Variants in EYS observed in about 807,000 individuals in gnomAD.
EYS encodes the protein protein eyes shut homolog.
In EYS, 250 loss-of-function variants were observed where a neutral mutation model predicts 282.1. The ratio of observed to expected loss-of-function variants is 0.89; its 90% CI spans 0.80 to 0.98. The LOEUF (loss-of-function observed/expected upper bound fraction) is 0.98. EYS is among the 50% of genes least tolerant of loss of function. The pLI is 0.00. For missense variants in EYS, 4,016 were observed against 3,709.0 expected, an observed-to-expected ratio of 1.08 and a Z score of -2.15; for synonymous variants, 1,355 against 1,282.9, an observed-to-expected ratio of 1.06 and a Z score of -1.20.
At chr6:65,520,228 T>C (rs1411979541) in intron 2 of EYS, among the ~76,000 whole-genome samples, 2 of 152,098 alleles carry the variant, frequency 1.3e-5, no homozygotes, top group African/African-American at 4.8e-5. Context: ...ACTTCTGAAT[T>C]TGGCCACTGT....
intron 22 of EYS, among the ~76,000 whole-genome samples, chr6:64,657,293 C>A (rs1002520824): frequency 6.6e-6 from 1 of 152,228 alleles, no homozygotes; most frequent in Admixed American, 6.5e-5. Context: ...ACTGATGGGT[C>A]TTGACTTTTT....
intron 22 of EYS, among the ~76,000 whole-genome samples, chr6:64,652,425 T>A (rs1768596044): frequency 6.6e-6 from 1 of 152,140 alleles, no homozygotes; most frequent in African/African-American, 2.4e-5. Flanking sequence ...ATCTAAGAGC[T>A]GAAAGTATTT....
At chr6:64,513,777 G>A (rs762829637) in intron 26 of EYS, among the ~76,000 whole-genome samples, 6 of 151,696 alleles carry the variant, frequency 4.0e-5, no homozygotes, top group Non-Finnish European at 8.8e-5. Flanking sequence ...CTGGACTGGA[G>A]GAAAACAATT....
At chr6:65,489,860 CA>C (rs1765967439) in intron 5 of EYS, 2 of 152,182 alleles carry the variant, frequency 1.3e-5, no homozygotes, top group South Asian at 4.1e-4. Context: ...CCATCATTCT[CA>C]GCAAACTATC....
chr6:64,995,703 C>A (rs1771231004), intron 14 of EYS, among the ~76,000 whole-genome samples: 1 of 119,276 alleles, frequency 8.4e-6, no homozygotes, highest in East Asian at 2.1e-4. Context: ...TTCAACTTTG[C>A]TTCTTTCTGC....
intron 30 of EYS, among the ~76,000 whole-genome samples, chr6:64,288,107 T>C (rs141638739): frequency 7.9e-5 from 12 of 152,156 alleles, no homozygotes; most frequent in Non-Finnish European, 1.5e-4. Context: ...AGTTCTTTCA[T>C]GCATTTCATG....
intron 23 of EYS, among the ~76,000 whole-genome samples, chr6:64,624,868 C>A (rs1214054377): frequency 6.6e-6 from 1 of 152,024 alleles, no homozygotes; most frequent in Non-Finnish European, 1.5e-5. Context: ...TAAATAGGGA[C>A]TATTTTTTTT....
intron 19 of EYS, among the ~76,000 whole-genome samples, chr6:64,861,972 T>C (rs9354172): frequency 0.15 from 23,555 of 152,190 alleles, 2,147 homozygotes; most frequent in East Asian, 0.49. Flanking sequence ...TTTTTAACAT[T>C]GTTTGCAAAA....
chr6:64,542,039 T>C (rs1764707224), intron 26 of EYS, among the ~76,000 whole-genome samples: 2 of 152,164 alleles, frequency 1.3e-5, no homozygotes, highest in African/African-American at 4.8e-5. Flanking sequence ...ATGATATATA[T>C]TATTTTTGGA....
chr6:65,613,794 T>C (rs1367718257), intron 2 of EYS, among the ~76,000 whole-genome samples: 1 of 151,932 alleles, frequency 6.6e-6, no homozygotes, highest in Non-Finnish European at 1.5e-5. Flanking sequence ...ACTACCTCGG[T>C]CTTCACATAA....
intron 18 of EYS, among the ~76,000 whole-genome samples, chr6:64,891,946 T>C (rs1251975403): frequency 6.6e-6 from 1 of 152,072 alleles, no homozygotes; most frequent in South Asian, 2.1e-4. Flanking sequence ...ATTGTCAAAG[T>C]ATTGAAATAA....
At chr6:65,418,451 G>T (rs1035187683) in intron 5 of EYS, among the ~76,000 whole-genome samples, 1 of 151,972 alleles carries the variant, frequency 6.6e-6, no homozygotes, top group African/African-American at 2.4e-5. Flanking sequence ...ATTTACAATA[G>T]CAAAGACATG....
At chr6:64,918,069 G>A (rs1768221142) in intron 15 of EYS, among the ~76,000 whole-genome samples, 1 of 151,858 alleles carries the variant, frequency 6.6e-6, no homozygotes, top group East Asian at 1.9e-4. Flanking sequence ...ACCCTTAGGT[G>A]TACATACCAT....
At chr6:63,823,943 C>T (rs997056424) in intron 36 of EYS, among the ~76,000 whole-genome samples, 1 of 152,124 alleles carries the variant, frequency 6.6e-6, no homozygotes, top group Non-Finnish European at 1.5e-5. Context: ...CTAGGTTAAT[C>T]TCTAGCCTCT....
intron 24 of EYS, among the ~76,000 whole-genome samples, chr6:64,610,940 C>T (rs1338890443): frequency 6.6e-6 from 1 of 152,098 alleles, no homozygotes; most frequent in Non-Finnish European, 1.5e-5. Context: ...CACTGTGTTG[C>T]TTAGAAATGC....
chr6:65,353,329 T>C, intron 9 of EYS, 129 bp downstream of exon 9: 2 of 758,504 alleles, frequency 2.6e-6, no homozygotes, highest in South Asian at 1.8e-5. Flanking sequence ...AATAAGAGTA[T>C]TAATTTTATT....
intron 37 of EYS, among the ~76,000 whole-genome samples, chr6:63,793,348 A>G (rs1430871714): frequency 1.3e-5 from 2 of 152,226 alleles, no homozygotes; most frequent in Non-Finnish European, 2.9e-5. Context: ...GTGTATATCA[A>G]GAACTGAAAT....
intron 1 of EYS, among the ~76,000 whole-genome samples, chr6:65,676,515 T>C (rs193077347): frequency 5.3e-5 from 8 of 151,732 alleles, no homozygotes; most frequent in African/African-American, 1.7e-4. Flanking sequence ...CATGAAGAAA[T>C]AGAAAGTGTT....
Position 64,099,389 on chromosome 6 carries a change from CT to C in EYS, c.6425-17388del, listed in dbSNP as rs148127635. ...CTAGTATGTAAATATTCAGCAAAGC[CT>C]TTTTTTCTCTATTCTGAAAAGATGG... is the stretch of plus-strand genomic sequence containing the variant. On this transcript the variant is annotated intron_variant, in intron 31 of 42. Transcript: ENST00000503581. 2.5e-3 allele frequency among the ~76,000 whole-genome samples: 384 copies of C among 152,188 alleles called. 1 individual carries two copies. Among genetic ancestry groups the C allele is most frequent in the African/African-American group, 8.9e-3 (368 of 41,552 alleles).
Sources: allele counts gnomAD v4.1 joint callset (sites outside exome capture counted in the v4.1 genomes callset), GRCh38; gene constraint gnomAD v4.1.1; transcripts MANE v1.5; gene names NCBI Gene and HGNC (gene_info 2026-07-23, HGNC 2026-07-21).